Variants in MIPOL1 observed in about 807,000 individuals in gnomAD.
MIPOL1 encodes mirror-image polydactyly 1, also known as mirror-image polydactyly gene 1 protein.
Under a neutral mutation model 60.9 loss-of-function variants are expected in MIPOL1, and 57 were observed. The observed-to-expected ratio is 0.94, with a 90% CI of 0.76 to 1.17. MIPOL1 has a LOEUF of 1.17. Among genes scored for constraint, MIPOL1 ranks in the 50% most tolerant of loss-of-function variants. The pLI is 0.00. For synonymous variants in MIPOL1, 179 were observed against 168.8 expected (o/e 1.06, Z -0.47); for missense variants, 551 against 511.6 (o/e 1.08, Z -0.74).
At chr14:37,318,521 T>C (rs1253169643) in intron 9 of MIPOL1, among the ~76,000 whole-genome samples, 1 of 152,178 alleles carries the variant, frequency 6.6e-6, no homozygotes, top group African/African-American at 2.4e-5. Flanking sequence ...TGTTTTTCAG[T>C]CAGTCTTGCT....
At chr14:37,347,279 G>T (rs1392494355) in intron 9 of MIPOL1, among the ~76,000 whole-genome samples, 2 of 151,814 alleles carry the variant, frequency 1.3e-5, no homozygotes, top group Non-Finnish European at 2.9e-5. Context: ...ATATAAAAAA[G>T]GATCACTGTG....
At chr14:37,495,792 G>C (rs1287758762) in intron 11 of MIPOL1, among the ~76,000 whole-genome samples, 3 of 151,746 alleles carry the variant, frequency 2.0e-5, no homozygotes, top group Non-Finnish European at 4.4e-5. Flanking sequence ...TCCAGCACCT[G>C]TTTCCTAACT....
At chr14:37,314,652 T>C (rs1430306071) in intron 9 of MIPOL1, among the ~76,000 whole-genome samples, 1 of 152,200 alleles carries the variant, frequency 6.6e-6, no homozygotes. Flanking sequence ...ATGTCATTTG[T>C]GCCCATATTT....
rs1001663873 is a variant in MIPOL1 at position 37,547,968 on chromosome 14, T to C, written c.*997T>C. ...TTTTTATTTTATTCCAGAAATAAGA[T>C]AGTTACAGCATAGCAGTCATATGAA... is the stretch of plus-strand genomic sequence containing the variant. On this transcript the variant is annotated 3_prime_UTR_variant, in exon 13 of 13. Transcript: ENST00000684589. 32 of 152,104 alleles carry C rather than the reference T, an allele frequency of 2.1e-4. No homozygotes were observed. The highest frequency in any genetic ancestry group is 7.2e-4 in the African/African-American group (30 of 41,456). 9.4% of individuals were successfully genotyped at this position (152,104 alleles called of 1,614,324 possible). A position where few individuals can be genotyped will look rare whatever the true frequency, so the allele number is the denominator to read the frequency against.
intron 9 of MIPOL1, among the ~76,000 whole-genome samples, chr14:37,357,527 A>G (rs1177544978): frequency 6.6e-6 from 1 of 152,168 alleles, no homozygotes; most frequent in Non-Finnish European, 1.5e-5. Context: ...ACACCTTTTC[A>G]TATGCCACTT....
In MIPOL1 at chr14:37,198,038, C is replaced by T. The variant is rs1964612544; in HGVS notation, c.-265C>T. 6.6e-6 allele frequency: 1 copy of T among 152,296 alleles called. No individual in the cohort carries two copies. 9.4% of individuals were successfully genotyped at this position (152,296 alleles called of 1,614,324 possible). A position where few individuals can be genotyped will look rare whatever the true frequency, so the allele number is the denominator to read the frequency against. ...GCGATTGGCTGACGCGGTGGCTGCG[C>T]ACTCGGCCTGAGAAACTCGGCAAGC... On this transcript the variant is annotated 5_prime_UTR_variant, in exon 1 of 13. Coordinates refer to ENST00000684589, the MANE Select transcript of MIPOL1 (RefSeq NM_001388067.1).
intron 12 of MIPOL1, among the ~76,000 whole-genome samples, chr14:37,522,951 C>T (rs556153275): frequency 1.3e-5 from 2 of 152,036 alleles, no homozygotes; most frequent in African/African-American, 4.8e-5. Flanking sequence ...AATTTTTATC[C>T]TTAGTAATTG....
At position 37,400,384 on chromosome 14, in the gene MIPOL1, T is replaced by C. The variant is rs80005426; in HGVS notation, c.937-22471T>C. The C allele has an allele frequency of 3.3e-5, 5 of 152,172 alleles. No homozygotes were observed. The East Asian group carries it at 9.7e-4, about 29-fold the overall frequency. 9.4% of individuals were successfully genotyped at this position (152,172 alleles called of 1,614,324 possible). ...ATAATGTCACTAACAGACAGTGAAA[T>C]TGAGTTTATTTGAGTTTTCTAAACA... is the stretch of plus-strand genomic sequence containing the variant. On this transcript the variant is annotated intron_variant, in intron 10 of 12. Coordinates refer to ENST00000684589, the MANE Select transcript of MIPOL1 (RefSeq NM_001388067.1).
intron 10 of MIPOL1, among the ~76,000 whole-genome samples, chr14:37,409,813 T>A (rs2093651978): frequency 6.6e-6 from 1 of 152,104 alleles, no homozygotes; most frequent in South Asian, 2.1e-4. Flanking sequence ...ATTCATACAT[T>A]AGAAGACATA....
At chr14:37,326,627 T>C (rs933162490) in intron 9 of MIPOL1, among the ~76,000 whole-genome samples, 1 of 152,202 alleles carries the variant, frequency 6.6e-6, no homozygotes, top group African/African-American at 2.4e-5. Flanking sequence ...GACTCAGCAG[T>C]GGCTGTAGCC....
intron 10 of MIPOL1, among the ~76,000 whole-genome samples, chr14:37,376,907 A>G (rs960147844): frequency 6.6e-6 from 1 of 152,192 alleles, no homozygotes; most frequent in Non-Finnish European, 1.5e-5. Flanking sequence ...CCAGTAATGA[A>G]TGAGAGCTTC....
chr14:37,342,272 G>A (rs934515908), intron 9 of MIPOL1, among the ~76,000 whole-genome samples: 4 of 151,826 alleles, frequency 2.6e-5, no homozygotes, highest in Non-Finnish European at 4.4e-5. Flanking sequence ...CAGGAGAATC[G>A]CTTGAGCCTG....
chr14:37,293,626 C>G (rs1392750385), intron 7 of MIPOL1, among the ~76,000 whole-genome samples: 2 of 152,142 alleles, frequency 1.3e-5, no homozygotes, highest in Non-Finnish European at 2.9e-5. Context: ...TACGCTTTTC[C>G]AATGGGCTTA....
At chr14:37,200,301 A>T (rs182576732) in intron 1 of MIPOL1, among the ~76,000 whole-genome samples, 7 of 152,152 alleles carry the variant, frequency 4.6e-5, no homozygotes. Context: ...CCCTTTAAAT[A>T]TGTAAAAACA....
chr14:37,458,872 A>C (rs2094507385), intron 11 of MIPOL1, among the ~76,000 whole-genome samples: 1 of 151,546 alleles, frequency 6.6e-6, no homozygotes, highest in African/African-American at 2.4e-5. Flanking sequence ...TAAATAAATA[A>C]ATAAATAAAT....
chr14:37,529,250 C>G lies in MIPOL1; in HGVS notation c.1263-17655C>G, dbSNP rs141445809. Among the ~76,000 whole-genome samples the G allele has an allele frequency of 3.9e-5, 6 of 152,156 alleles. No homozygotes were observed. In the East Asian group the frequency reaches 1.2e-3, roughly 29 times the overall value. On this transcript the variant is annotated intron_variant, in intron 12 of 12. Transcript: ENST00000684589. ...GTAGACTAGTGTAAGAAAAAAGCAA[C>G]AAAATTGATTTTATTTTCATCTCTG...
chr14:37,292,599 G>T (rs941293299), intron 7 of MIPOL1, among the ~76,000 whole-genome samples: 1 of 147,492 alleles, frequency 6.8e-6, no homozygotes, highest in Non-Finnish European at 1.5e-5. Context: ...TCCTGCCTCA[G>T]CCTCCAGAGT....
chr14:37,468,940 AT>A (rs2094638780), intron 11 of MIPOL1, among the ~76,000 whole-genome samples: 1 of 152,200 alleles, frequency 6.6e-6, no homozygotes, highest in East Asian at 1.9e-4. Context: ...ATGATGAGAA[AT>A]GAGCTATAAA....
At chr14:37,356,178 A>C (rs562183733) in intron 9 of MIPOL1, among the ~76,000 whole-genome samples, 3 of 150,890 alleles carry the variant, frequency 2.0e-5, no homozygotes, top group Non-Finnish European at 4.4e-5. Context: ...GTGAGGTGTC[A>C]GTCTGTCCCT....
Sources: allele counts gnomAD v4.1 joint callset (sites outside exome capture counted in the v4.1 genomes callset), GRCh38; gene constraint gnomAD v4.1.1; transcripts MANE v1.5; gene names NCBI Gene and HGNC (gene_info 2026-07-23, HGNC 2026-07-21).